PTPRN2: variants seen among roughly 807,000 people sequenced by gnomAD.
PTPRN2 encodes receptor-type tyrosine-protein phosphatase N2.
PTPRN2 carries 74 observed loss-of-function variants against 118.8 expected under a neutral mutation model. That is an observed-to-expected ratio of 0.62 (90% CI 0.52 to 0.76). PTPRN2 has a LOEUF of 0.76. PTPRN2 is among the 30% of genes least tolerant of loss of function. PTPRN2 has a pLI of 0.00. For synonymous variants in PTPRN2, 641 were observed against 608.0 expected, an observed-to-expected ratio of 1.05 and a Z score of -0.80; for missense variants, 1,481 against 1,394.4, an observed-to-expected ratio of 1.06 and a Z score of -0.99.
intron 3 of PTPRN2, among the ~76,000 whole-genome samples, chr7:158,269,919 C>G (rs1452713484): frequency 1.8e-5 from 2 of 110,164 alleles, no homozygotes. Context: ...GACAGAGAAA[C>G]AGAGAGACAG....
chr7:157,970,641 C>T (rs1802260882), intron 11 of PTPRN2, among the ~76,000 whole-genome samples: 1 of 150,234 alleles, frequency 6.7e-6, no homozygotes, highest in Non-Finnish European at 1.5e-5. Flanking sequence ...AGCGGACCCC[C>T]CCCCCCACAG....
At chr7:158,436,525 C>T (rs1373436047) in intron 2 of PTPRN2, among the ~76,000 whole-genome samples, 1 of 87,804 alleles carries the variant, frequency 1.1e-5, no homozygotes, top group Admixed American at 1.2e-4. Flanking sequence ...TGGAGTCTCT[C>T]GAGTTCTGTC....
chr7:158,583,770 C>T (rs1828766723), intron 1 of PTPRN2, among the ~76,000 whole-genome samples: 1 of 152,074 alleles, frequency 6.6e-6, no homozygotes, highest in South Asian at 2.1e-4. Context: ...TGATGGAGAC[C>T]GAGCAGGAGA....
chr7:158,129,927 G>C (rs149010998), intron 9 of PTPRN2, among the ~76,000 whole-genome samples: 1 of 152,184 alleles, frequency 6.6e-6, no homozygotes, highest in Admixed American at 6.5e-5. Context: ...GCCTGGAAAC[G>C]GGAAAGCTCA....
intron 11 of PTPRN2, chr7:158,029,476 A>T (rs1413079366): frequency 2.0e-5 from 3 of 152,270 alleles, no homozygotes; most frequent in Non-Finnish European, 2.9e-5. Context: ...GCCATTTGGA[A>T]ATAGAAGAAA....
intron 21 of PTPRN2, among the ~76,000 whole-genome samples, chr7:157,555,804 C>G (rs1798846099): frequency 6.6e-6 from 1 of 152,182 alleles, no homozygotes. Context: ...TGAAGAAAAG[C>G]TTGGTCCTAA....
At chr7:157,631,268 C>T (rs936140332) in intron 14 of PTPRN2, among the ~76,000 whole-genome samples, 10 of 152,148 alleles carry the variant, frequency 6.6e-5, no homozygotes, top group African/African-American at 2.4e-4. Context: ...AGAAAGTCCC[C>T]AGTTGGTATG....
chr7:157,771,416 C>T (rs1310334976), intron 12 of PTPRN2, among the ~76,000 whole-genome samples: 1 of 152,254 alleles, frequency 6.6e-6, no homozygotes, highest in Non-Finnish European at 1.5e-5. Flanking sequence ...ACTAATCCCA[C>T]CTGCTGCCAG....
intron 13 of PTPRN2, among the ~76,000 whole-genome samples, chr7:157,657,877 C>T (rs1469385799): frequency 8.4e-6 from 1 of 119,198 alleles, no homozygotes; most frequent in Non-Finnish European, 1.7e-5. Flanking sequence ...ACACACACCA[C>T]ACACACACAC....
At chr7:158,182,981 G>A (rs972321265) in intron 5 of PTPRN2, among the ~76,000 whole-genome samples, 4 of 152,176 alleles carry the variant, frequency 2.6e-5, no homozygotes, top group African/African-American at 7.2e-5. Context: ...CCAGCATTTG[G>A]TGCATATAAA....
chr7:158,391,102 A>G (rs1811890556), intron 2 of PTPRN2, among the ~76,000 whole-genome samples: 1 of 152,238 alleles, frequency 6.6e-6, no homozygotes, highest in African/African-American at 2.4e-5. Context: ...CGCAACAGCC[A>G]TGTTTCACGT....
chr7:158,071,272 AGGTGCCCGTGGTGGTG>A lies in PTPRN2; in HGVS notation c.1723+10010_1723+10025del, dbSNP rs1563390185. On this transcript the variant is annotated intron_variant, in intron 11 of 22. Coordinates refer to ENST00000389418, the MANE Select transcript of PTPRN2 (RefSeq NM_002847.5). ...AGTATGGAGGTGCCCGTGGTGGTGG[AGGTGCCCGTGGTGGTG>A]GAGGTGCTCGTGGTGGAGGTGCCCA... Among the ~76,000 whole-genome samples, 48 of 85,874 alleles carry A rather than the reference AGGTGCCCGTGGTGGTG, an allele frequency of 5.6e-4. 1 individual carries two copies. Among genetic ancestry groups the A allele is most frequent in the African/African-American group, 1.1e-3 (24 of 21,832 alleles). 56.3% of individuals were successfully genotyped at this position (85,874 alleles called of 152,430 possible).
chr7:157,938,477 C>T (rs1259222329), intron 11 of PTPRN2, among the ~76,000 whole-genome samples: 1 of 152,180 alleles, frequency 6.6e-6, no homozygotes, highest in East Asian at 1.9e-4. Flanking sequence ...CAGGCCCAGC[C>T]ATGCCACGTG....
chr7:158,260,412 T>G (rs575882693), intron 3 of PTPRN2, among the ~76,000 whole-genome samples: 1 of 152,300 alleles, frequency 6.6e-6, no homozygotes, highest in South Asian at 2.1e-4. Context: ...TATAAATAAT[T>G]TGTCAGTAAT....
chr7:157,748,729 C>A, intron 12 of PTPRN2, among the ~76,000 whole-genome samples: 1 of 136,908 alleles, frequency 7.3e-6, no homozygotes, highest in Admixed American at 7.0e-5. Flanking sequence ...GCCTGCGTCC[C>A]TGAGCTGTGG....
chr7:157,845,333 T>A lies in PTPRN2; in HGVS notation c.1788+53340A>T, dbSNP rs569999896. The stretch of plus-strand genomic sequence containing the variant: ...ATACACAGAGTGATCCGCCCTCTTT[T>A]CCCTGGTGAATCACGCAGCCTAACT... On this transcript the variant is annotated intron_variant, in intron 12 of 22. Transcript: ENST00000389418. The surrounding 1 kb of genome is among the most constrained non-coding windows in gnomAD (Gnocchi z 4.5). 1.6e-4 allele frequency among the ~76,000 whole-genome samples: 25 copies of A among 152,242 alleles called. No homozygotes were observed. Among genetic ancestry groups the A allele is most frequent in the African/African-American group, 5.8e-4 (24 of 41,538 alleles).
chr7:158,314,592 C>T (rs914804681), intron 3 of PTPRN2, among the ~76,000 whole-genome samples: 6 of 152,268 alleles, frequency 3.9e-5, no homozygotes, highest in Non-Finnish European at 5.9e-5. Flanking sequence ...TGGAGGCTCC[C>T]GTGGGGAAAG....
chr7:158,121,124 G>A (rs1191385970), intron 9 of PTPRN2, among the ~76,000 whole-genome samples: 1 of 152,082 alleles, frequency 6.6e-6, no homozygotes, highest in Non-Finnish European at 1.5e-5. Flanking sequence ...CCTGGGCCTG[G>A]TGGTGACTGC....
At chr7:158,323,833 CGT>C (rs1803234741) in intron 2 of PTPRN2, among the ~76,000 whole-genome samples, 1 of 152,294 alleles carries the variant, frequency 6.6e-6, no homozygotes, top group South Asian at 2.1e-4. Flanking sequence ...TTACACCACA[CGT>C]GTGTACACGG....
Sources: gnomAD v4.1 joint callset for allele counts (sites outside exome capture counted in the v4.1 genomes callset) on GRCh38, gnomAD v4.1.1 for gene constraint, Gnocchi (gnomAD v3.1) non-coding constraint, MANE v1.5 for transcripts, NCBI Gene and HGNC (gene_info 2026-07-23, HGNC 2026-07-21) for gene names.